Variants in ROBO2 observed in about 807,000 individuals in gnomAD.
ROBO2 encodes the protein roundabout homolog 2.
Under a neutral mutation model 160.8 loss-of-function variants are expected in ROBO2, and 53 were observed. The observed-to-expected ratio is 0.33, with a 90% CI of 0.26 to 0.41. The LOEUF (loss-of-function observed/expected upper bound fraction) is 0.41. Among genes scored for constraint, ROBO2 ranks in the 10% least tolerant of loss-of-function variants. The pLI, the probability that ROBO2 is intolerant of heterozygous loss-of-function variation, is 1.00. For synonymous variants in ROBO2, 664 were observed against 611.7 expected (o/e 1.09, Z -1.26); for missense variants, 1,577 against 1,722.4 (o/e 0.92, Z 1.49).
chr3:76,041,948 C>G (rs937057614), intron 2 of ROBO2, among the ~76,000 whole-genome samples: 2 of 150,508 alleles, frequency 1.3e-5, no homozygotes, highest in Non-Finnish European at 2.9e-5. Context: ...ACTGACAGCA[C>G]CAGGCATGTG....
chr3:76,684,249 C>T (rs911041052), intron 2 of ROBO2, among the ~76,000 whole-genome samples: 1 of 152,120 alleles, frequency 6.6e-6, no homozygotes. Flanking sequence ...TTTTGCTTCT[C>T]TGCATCCCCT....
At chr3:76,266,255 G>A (rs1384036033) in intron 2 of ROBO2, among the ~76,000 whole-genome samples, 1 of 152,026 alleles carries the variant, frequency 6.6e-6, no homozygotes, top group Non-Finnish European at 1.5e-5. Flanking sequence ...AATTTTTAAA[G>A]GATTATTTTA....
intron 2 of ROBO2, among the ~76,000 whole-genome samples, chr3:76,269,602 G>C (rs1387368660): frequency 2.7e-5 from 4 of 145,472 alleles, no homozygotes; most frequent in Non-Finnish European, 4.6e-5. Flanking sequence ...AAAAAAAACA[G>C]AGTAAATGAA....
chr3:77,480,877 C>T (rs1281864689), intron 3 of ROBO2, among the ~76,000 whole-genome samples: 2 of 152,068 alleles, frequency 1.3e-5, no homozygotes, highest in African/African-American at 4.8e-5. Flanking sequence ...AAAGAGAGGA[C>T]AGCTGCCTTA....
At chr3:76,599,599 T>A (rs188334947) in intron 2 of ROBO2, among the ~76,000 whole-genome samples, 1 of 152,282 alleles carries the variant, frequency 6.6e-6, no homozygotes, top group Admixed American at 6.5e-5. Context: ...GTTATTTCTA[T>A]CTTTAGGTTT....
intron 2 of ROBO2, among the ~76,000 whole-genome samples, chr3:76,187,077 A>AAT (rs397747130): frequency 6.6e-6 from 1 of 151,326 alleles, no homozygotes; most frequent in Non-Finnish European, 1.5e-5. Context: ...TAAAAAAAAA[A>AAT]CTTTGTCAAT....
At chr3:76,838,558 T>C (rs1452423319) in intron 2 of ROBO2, among the ~76,000 whole-genome samples, 1 of 152,082 alleles carries the variant, frequency 6.6e-6, no homozygotes, top group African/African-American at 2.4e-5. Flanking sequence ...TCATGTCTTA[T>C]GAGCAGTCAG....
At chr3:76,195,720 A>G (rs1389070313) in intron 2 of ROBO2, among the ~76,000 whole-genome samples, 1 of 152,206 alleles carries the variant, frequency 6.6e-6, no homozygotes, top group Non-Finnish European at 1.5e-5. Flanking sequence ...GGAGAAGAAT[A>G]AGGATTTGAA....
intron 1 of ROBO2, among the ~76,000 whole-genome samples, chr3:75,913,061 C>G (rs1484460220): frequency 6.6e-6 from 1 of 152,170 alleles, no homozygotes; most frequent in Non-Finnish European, 1.5e-5. Flanking sequence ...AGTGTTGGTT[C>G]CTTCTGGAGG....
At chr3:76,962,660 A>G (rs1489144243) in intron 2 of ROBO2, among the ~76,000 whole-genome samples, 1 of 149,544 alleles carries the variant, frequency 6.7e-6, no homozygotes, top group East Asian at 2.0e-4. Flanking sequence ...AAAAAAAAAA[A>G]GCTAGGCATG....
At chr3:76,706,210 A>G (rs1439732893) in intron 2 of ROBO2, among the ~76,000 whole-genome samples, 1 of 152,158 alleles carries the variant, frequency 6.6e-6, no homozygotes, top group Non-Finnish European at 1.5e-5. Flanking sequence ...CACAAAATAG[A>G]ATTTTCAACT....
rs139311275 is a variant in ROBO2 at position 76,071,647 on chromosome 3, T to A, written c.109+134045T>A. On this transcript the variant is annotated intron_variant, in intron 2 of 26. Transcript: ENST00000487694. ...GAGCATTGTGAGCAATTTGCTCATT[T>A]TCTAATTGGACTTTTTCAGGTCATA... 3.6e-3 allele frequency among the ~76,000 whole-genome samples: 543 copies of A among 152,278 alleles called. 4 individuals carry two copies. Among genetic ancestry groups the A allele is most frequent in the African/African-American group, 0.012 (519 of 41,576 alleles).
At chr3:77,522,987 T>C (rs1470478653) in intron 6 of ROBO2, 85 bp downstream of exon 6, 1 of 1,499,526 alleles carries the variant, frequency 6.7e-7, no homozygotes, top group East Asian at 2.3e-5. Flanking sequence ...ATCAAAATAA[T>C]GAATTATGCT....
chr3:76,467,373 G>T (rs113052502), intron 2 of ROBO2, among the ~76,000 whole-genome samples: 1 of 152,076 alleles, frequency 6.6e-6, no homozygotes, highest in African/African-American at 2.4e-5. Context: ...AATTATGCCA[G>T]TATTTCCATG....
chr3:76,154,660 A>G (rs1193956757), intron 2 of ROBO2, among the ~76,000 whole-genome samples: 1 of 152,126 alleles, frequency 6.6e-6, no homozygotes, highest in East Asian at 1.9e-4. Context: ...TCTGCTTTCT[A>G]TTATATATAA....
chr3:76,644,536 A>G (rs1274483479), intron 2 of ROBO2, among the ~76,000 whole-genome samples: 2 of 152,116 alleles, frequency 1.3e-5, no homozygotes, highest in Non-Finnish European at 2.9e-5. Context: ...CACCAGCTAC[A>G]TAAATGTATT....
At chr3:76,845,282 G>C (rs2068671594) in intron 2 of ROBO2, among the ~76,000 whole-genome samples, 1 of 151,946 alleles carries the variant, frequency 6.6e-6, no homozygotes, top group African/African-American at 2.4e-5. Context: ...TGTTATCTGA[G>C]ACGTTTAAAT....
intron 2 of ROBO2, among the ~76,000 whole-genome samples, chr3:76,306,131 C>A (rs1287362587): frequency 6.6e-6 from 1 of 152,142 alleles, no homozygotes; most frequent in Admixed American, 6.5e-5. Flanking sequence ...TGCTAGGTAC[C>A]TAGTGACCAA....
intron 1 of ROBO2, among the ~76,000 whole-genome samples, chr3:77,052,679 T>C (rs751859165): frequency 6.6e-6 from 1 of 152,210 alleles, no homozygotes; most frequent in African/African-American, 2.4e-5. Flanking sequence ...ACGGTAATAA[T>C]ATCCCAAATG....
Sources: allele counts gnomAD v4.1 joint callset (sites outside exome capture counted in the v4.1 genomes callset), GRCh38; gene constraint gnomAD v4.1.1; transcripts MANE v1.5; gene names NCBI Gene and HGNC (gene_info 2026-07-23, HGNC 2026-07-21).